DPP6: variants seen among roughly 807,000 people sequenced by gnomAD.
The protein encoded by DPP6 is dipeptidyl peptidase like 6.
Under a neutral mutation model 122.6 loss-of-function variants are expected in DPP6, and 69 were observed. The observed-to-expected ratio is 0.56, with a 90% CI of 0.46 to 0.69. DPP6 has a LOEUF of 0.69. DPP6 is among the 30% of genes least tolerant of loss of function. DPP6 has a pLI of 0.00. For missense variants in DPP6, 928 were observed against 1,116.9 expected, an observed-to-expected ratio of 0.83 and a Z score of 2.41; for synonymous variants, 418 against 433.1, an observed-to-expected ratio of 0.97 and a Z score of 0.43.
intron 7 of DPP6, among the ~76,000 whole-genome samples, chr7:154,704,916 CT>C (rs1354009462): frequency 6.6e-6 from 1 of 152,084 alleles, no homozygotes; most frequent in Non-Finnish European, 1.5e-5. Flanking sequence ...CTGTTTTTAT[CT>C]TTGAGATAGA....
At chr7:154,743,025 A>G (rs1842884689) in intron 8 of DPP6, among the ~76,000 whole-genome samples, 1 of 152,258 alleles carries the variant, frequency 6.6e-6, no homozygotes, top group Non-Finnish European at 1.5e-5. Flanking sequence ...ACACATTAAA[A>G]GAAGATAAAG....
At chr7:154,748,061 T>C (rs1843118769) in intron 8 of DPP6, among the ~76,000 whole-genome samples, 1 of 152,120 alleles carries the variant, frequency 6.6e-6, no homozygotes, top group Non-Finnish European at 1.5e-5. Context: ...GGGTCTTACA[T>C]GAAGAGGAGA....
intron 1 of DPP6, among the ~76,000 whole-genome samples, chr7:154,126,234 A>G (rs953718487): frequency 2.0e-5 from 3 of 152,156 alleles, no homozygotes; most frequent in African/African-American, 7.2e-5. Flanking sequence ...AGAACTTAGC[A>G]TTTTGGTTGG....
intron 1 of DPP6, among the ~76,000 whole-genome samples, chr7:154,332,057 C>T (rs889805818): frequency 4.0e-5 from 6 of 151,000 alleles, no homozygotes; most frequent in African/African-American, 4.9e-5. Context: ...TATGTCTTCA[C>T]CTCGTGCTTT....
At chr7:154,305,540 C>T (rs1806259713) in intron 1 of DPP6, 2 of 1,603,000 alleles carry the variant, frequency 1.2e-6, no homozygotes, top group African/African-American at 1.3e-5. Context: ...ATCCGTGCAG[C>T]AGCAGGAACA....
At chr7:154,738,581 T>C (rs115846906) in intron 8 of DPP6, among the ~76,000 whole-genome samples, 77 of 152,224 alleles carry the variant, frequency 5.1e-4, no homozygotes, top group African/African-American at 1.8e-3. Context: ...AATTATCTGG[T>C]GGAAGTTGGA....
intron 1 of DPP6, among the ~76,000 whole-genome samples, chr7:154,324,636 T>G (rs1257801308): frequency 6.6e-6 from 1 of 152,026 alleles, no homozygotes; most frequent in Non-Finnish European, 1.5e-5. Context: ...TTTCCTGGCC[T>G]GACGGGGCAC....
intron 16 of DPP6, among the ~76,000 whole-genome samples, chr7:154,851,593 T>C (rs1468081408): frequency 6.6e-6 from 1 of 152,224 alleles, no homozygotes; most frequent in Non-Finnish European, 1.5e-5. Flanking sequence ...TGGTAAGTGC[T>C]GCCTCTTTGG....
chr7:154,429,115 A>G (rs778707486), intron 1 of DPP6, among the ~76,000 whole-genome samples: 3 of 151,582 alleles, frequency 2.0e-5, no homozygotes, highest in Non-Finnish European at 4.4e-5. Context: ...TGATTCTGCT[A>G]CTTTACATCT....
At chr7:153,996,365 A>G (rs1352969173) in intron 1 of DPP6, among the ~76,000 whole-genome samples, 1 of 152,148 alleles carries the variant, frequency 6.6e-6, no homozygotes, top group African/African-American at 2.4e-5. Context: ...TGTCTTAGAA[A>G]GATGTAGGGA....
chr7:154,273,767 G>A (rs1325113100), intron 1 of DPP6, among the ~76,000 whole-genome samples: 4 of 152,118 alleles, frequency 2.6e-5, no homozygotes, highest in Admixed American at 6.5e-5. Context: ...GAGATGTAGC[G>A]AGGACATTAT....
intron 1 of DPP6, among the ~76,000 whole-genome samples, chr7:154,290,441 G>C (rs1805130037): frequency 6.6e-6 from 1 of 152,026 alleles, no homozygotes; most frequent in East Asian, 1.9e-4. Context: ...TCGTGGATGG[G>C]CTCCTTGGCA....
At chr7:154,104,519 A>G (rs1191370594) in intron 1 of DPP6, among the ~76,000 whole-genome samples, 1 of 152,262 alleles carries the variant, frequency 6.6e-6, no homozygotes, top group Non-Finnish European at 1.5e-5. Context: ...CGTATTTCAA[A>G]GATCACATGA....
intron 1 of DPP6, among the ~76,000 whole-genome samples, chr7:153,937,691 T>C (rs546256407): frequency 1.0e-3 from 155 of 152,236 alleles, no homozygotes; most frequent in Non-Finnish European, 1.7e-3. Flanking sequence ...CAAGTGACCA[T>C]CTGCCTCGCC....
the DPP6 span, among the ~76,000 whole-genome samples, chr7:153,857,322 T>TTCTC: frequency 0.17 from 20,685 of 124,284 alleles, 2,065 homozygotes; most frequent in Middle Eastern, 0.23. Context: ...CTCAAAGGTT[T>TTCTC]TCTCTCTCTC....
chr7:153,797,031 C>A, the DPP6 span, among the ~76,000 whole-genome samples: 1 of 152,148 alleles, frequency 6.6e-6, no homozygotes, highest in Non-Finnish European at 1.5e-5. Flanking sequence ...TGTGGAGGGG[C>A]CCACATGACA....
intron 7 of DPP6, among the ~76,000 whole-genome samples, chr7:154,682,829 T>C (rs896715799): frequency 1.3e-5 from 2 of 152,226 alleles, no homozygotes; most frequent in Admixed American, 6.5e-5. Flanking sequence ...ACTTCTCTGA[T>C]GTGTGGGGAA....
chr7:154,876,036 C>T lies in DPP6; in HGVS notation c.2014C>T (p.Leu672Phe). ...GRGSGFQGTK[L>F]LHEVRRRLGL... Reference sequence around the variant, plus strand: ...TGGCAGCGGCTTCCAAGGGACCAAGCTCCTGCACGAAGTGAGGCGGCGGCT... The same window carrying T: ...TGGCAGCGGCTTCCAAGGGACCAAGTTCCTGCACGAAGTGAGGCGGCGGCT... The change falls in exon 20 of 26, where the codon CTC becomes TTC. Residue 672 changes from leucine to phenylalanine, a missense_variant. Transcript: ENST00000377770. 1.2e-6 allele frequency: 2 copies of T among 1,612,414 alleles called. No homozygotes were observed. Among genetic ancestry groups the T allele is most frequent in the African/African-American group, 2.7e-5 (2 of 75,016 alleles).
chr7:154,725,276 A>G (rs763730606), intron 7 of DPP6, among the ~76,000 whole-genome samples: 4 of 152,240 alleles, frequency 2.6e-5, no homozygotes, highest in Non-Finnish European at 5.9e-5. Context: ...AAATAATCCA[A>G]TTTGATATTG....
Sources: gnomAD v4.1 joint callset for allele counts (sites outside exome capture counted in the v4.1 genomes callset) on GRCh38, gnomAD v4.1.1 for gene constraint, MANE v1.5 for transcripts, NCBI Gene and HGNC (gene_info 2026-07-23, HGNC 2026-07-21) for gene names.